CNTNAP2: variants seen among roughly 807,000 people sequenced by gnomAD.
CNTNAP2 encodes contactin-associated protein-like 2.
CNTNAP2 carries 98 observed loss-of-function variants against 155.2 expected under a neutral mutation model. That is an observed-to-expected ratio of 0.63 (90% CI 0.54 to 0.75). The LOEUF (loss-of-function observed/expected upper bound fraction) is 0.75, where lower values mean the gene tolerates loss of function less well. Ranked by LOEUF, CNTNAP2 falls within the 30% of genes least tolerant of loss-of-function variation. The probability of loss-of-function intolerance (pLI) is 0.00; values close to 1 mark genes in which losing one functional copy is unlikely to be tolerated. For synonymous variants in CNTNAP2, 651 were observed against 631.2 expected (o/e 1.03, Z -0.47); for missense variants, 1,727 against 1,688.1 (o/e 1.02, Z -0.40).
chr7:148,214,039 C>G lies in CNTNAP2; in HGVS notation c.3011-3249C>G, dbSNP rs528286520. ...AGAAAGCTAGTCTTCATCTCCGCCA[C>G]CTACCTGTACTTGGCTACCCACCTC... On this transcript the variant is annotated intron_variant, in intron 18 of 23. Transcript: ENST00000361727. Among the ~76,000 whole-genome samples the G allele has an allele frequency of 4.6e-5, 7 of 152,374 alleles. No individual in the cohort carries two copies. The East Asian group carries it at 1.3e-3, about 29-fold the overall frequency.
At chr7:148,301,306 A>AATATATATATATATATATATAT (rs1554414673) in intron 21 of CNTNAP2, among the ~76,000 whole-genome samples, 8 of 103,850 alleles carry the variant, frequency 7.7e-5, no homozygotes, top group South Asian at 3.4e-4. Flanking sequence ...AAAAAAAAAA[A>AATATATATATATATATATATAT]ATATATATAT....
chr7:148,010,945 T>C (rs1802070350), intron 15 of CNTNAP2, among the ~76,000 whole-genome samples: 2 of 152,152 alleles, frequency 1.3e-5, no homozygotes. Context: ...ACAGTGTTGA[T>C]TTTTAATAAA....
rs1326642502 is a variant in CNTNAP2 at position 146,600,324 on chromosome 7, T to C, written c.98-173947T>C. ...CATTAAATTATATTGCCACATAAAA[T>C]ATGTTTAAATAATCTTATTTTTGTT... is the stretch of plus-strand genomic sequence containing the variant. On this transcript the variant is annotated intron_variant, in intron 1 of 23. Coordinates refer to ENST00000361727, the MANE Select transcript of CNTNAP2 (RefSeq NM_014141.6). Among the ~76,000 whole-genome samples, 2 of 152,200 alleles carry C rather than the reference T, an allele frequency of 1.3e-5. 1 individual carries two copies.
chr7:146,777,121 G>A (rs539009833), intron 2 of CNTNAP2, among the ~76,000 whole-genome samples: 1 of 152,136 alleles, frequency 6.6e-6, no homozygotes, highest in East Asian at 1.9e-4. Context: ...ATCTCTTTTT[G>A]ACCATTGATA....
chr7:148,215,093 C>A (rs1170820308), intron 18 of CNTNAP2, among the ~76,000 whole-genome samples: 1 of 152,120 alleles, frequency 6.6e-6, no homozygotes, highest in Non-Finnish European at 1.5e-5. Flanking sequence ...TGGTGAGAAG[C>A]AATGGACTCC....
At chr7:148,024,003 G>C (rs1292938936) in intron 15 of CNTNAP2, among the ~76,000 whole-genome samples, 5 of 152,020 alleles carry the variant, frequency 3.3e-5, no homozygotes, top group Non-Finnish European at 1.5e-5. Context: ...CATAAAAGGA[G>C]GCCTGCACTT....
intron 1 of CNTNAP2, among the ~76,000 whole-genome samples, chr7:146,287,343 C>T (rs1360580049): frequency 6.6e-6 from 1 of 152,082 alleles, no homozygotes; most frequent in East Asian, 1.9e-4. Flanking sequence ...ATTAAATTAG[C>T]ATTGGAAGGC....
intron 1 of CNTNAP2, among the ~76,000 whole-genome samples, chr7:146,436,421 C>T (rs912454549): frequency 3.3e-5 from 5 of 152,088 alleles, no homozygotes; most frequent in Non-Finnish European, 5.9e-5. Context: ...TAGAAAACAA[C>T]ATGTGACAAT....
intron 2 of CNTNAP2, among the ~76,000 whole-genome samples, chr7:146,775,858 G>C (rs1802381416): frequency 6.6e-6 from 1 of 152,044 alleles, no homozygotes; most frequent in Non-Finnish European, 1.5e-5. Context: ...TGGTGAAAGA[G>C]TGATACACAA....
intron 15 of CNTNAP2, among the ~76,000 whole-genome samples, chr7:148,051,740 C>A (rs1802893060): frequency 6.6e-6 from 1 of 152,108 alleles, no homozygotes; most frequent in South Asian, 2.1e-4. Context: ...ACGTTAGATG[C>A]TAAAATGAAT....
chr7:146,123,400 A>T (rs570752932), intron 1 of CNTNAP2, among the ~76,000 whole-genome samples: 1 of 152,204 alleles, frequency 6.6e-6, no homozygotes, highest in Non-Finnish European at 1.5e-5. Flanking sequence ...AACCTTCTTC[A>T]TCTGCACTGG....
intron 8 of CNTNAP2, among the ~76,000 whole-genome samples, chr7:147,267,398 G>T (rs1804637181): frequency 6.6e-6 from 1 of 152,174 alleles, no homozygotes; most frequent in Non-Finnish European, 1.5e-5. Flanking sequence ...CGATTGAGGA[G>T]TGAATAAGAT....
intron 13 of CNTNAP2, among the ~76,000 whole-genome samples, chr7:147,863,005 T>C (rs1454292432): frequency 1.3e-5 from 2 of 152,160 alleles, no homozygotes; most frequent in African/African-American, 2.4e-5. Flanking sequence ...GAGGTATACA[T>C]ATGCCATGTT....
chr7:146,125,581 CAAAAA>C (rs57234097), intron 1 of CNTNAP2, among the ~76,000 whole-genome samples: 9 of 58,878 alleles, frequency 1.5e-4, no homozygotes, highest in African/African-American at 5.1e-4. Flanking sequence ...ACTCCGTCTC[CAAAAA>C]AAAAAAAAAA....
chr7:148,124,256 T>C (rs1804666047), intron 16 of CNTNAP2, among the ~76,000 whole-genome samples: 1 of 152,176 alleles, frequency 6.6e-6, no homozygotes, highest in South Asian at 2.1e-4. Flanking sequence ...GAATTTGTTG[T>C]TGTTGTTGTG....
intron 11 of CNTNAP2, among the ~76,000 whole-genome samples, chr7:147,526,311 ATTTG>A (rs1799318453): frequency 6.6e-6 from 1 of 152,020 alleles, no homozygotes; most frequent in Admixed American, 6.6e-5. Context: ...AAATAAGTTC[ATTTG>A]TTTGGGCTTT....
At chr7:146,321,032 A>G (rs962042196) in intron 1 of CNTNAP2, among the ~76,000 whole-genome samples, 1 of 152,092 alleles carries the variant, frequency 6.6e-6, no homozygotes, top group Non-Finnish European at 1.5e-5. Flanking sequence ...AAACAGACTA[A>G]CAGACCAATT....
At chr7:146,774,179 T>C (rs1045111434) in intron 1 of CNTNAP2, 92 bp from the exon 2 acceptor site, 4 of 864,492 alleles carry the variant, frequency 4.6e-6, no homozygotes, top group Admixed American at 2.0e-5. Flanking sequence ...AAAAGACATA[T>C]CAGATTCAAT....
chr7:147,943,393 C>T (rs1283732210), intron 14 of CNTNAP2, among the ~76,000 whole-genome samples: 1 of 152,004 alleles, frequency 6.6e-6, no homozygotes, highest in East Asian at 1.9e-4. Flanking sequence ...TTCACTTAAT[C>T]CTATTGTATT....
Sources: allele counts gnomAD v4.1 joint callset (sites outside exome capture counted in the v4.1 genomes callset), GRCh38; gene constraint gnomAD v4.1.1; transcripts MANE v1.5; gene names NCBI Gene and HGNC (gene_info 2026-07-23, HGNC 2026-07-21).